AGPAT5: variants seen among roughly 807,000 people sequenced by gnomAD.
The protein encoded by AGPAT5 is 1-acylglycerol-3-phosphate O-acyltransferase 5, also known as 1-acyl-sn-glycerol-3-phosphate acyltransferase epsilon.
In AGPAT5, 46 loss-of-function variants were observed where a neutral mutation model predicts 45.6. That is an observed-to-expected ratio of 1.01 (90% CI 0.80 to 1.29). The LOEUF (loss-of-function observed/expected upper bound fraction) is 1.29. AGPAT5 is among the 50% of genes most tolerant of loss of function. The pLI is 0.00. For missense variants in AGPAT5, 673 were observed against 450.7 expected, an observed-to-expected ratio of 1.49 and a Z score of -4.47; for synonymous variants, 272 against 167.0, an observed-to-expected ratio of 1.63 and a Z score of -4.85.
At chr8:6,735,627 T>G (rs1490001077) in intron 4 of AGPAT5, among the ~76,000 whole-genome samples, 1 of 152,234 alleles carries the variant, frequency 6.6e-6, no homozygotes, top group African/African-American at 2.4e-5. Context: ...TTGGTTGCCT[T>G]GCAACCTTGC....
At chr8:6,729,747 C>G (rs750905855) in intron 2 of AGPAT5, among the ~76,000 whole-genome samples, 1 of 152,214 alleles carries the variant, frequency 6.6e-6, no homozygotes, top group Non-Finnish European at 1.5e-5. Context: ...GAAAGCTCAA[C>G]TAACAACTTC....
At chr8:6,740,175 C>T (rs1382803776) in intron 4 of AGPAT5, among the ~76,000 whole-genome samples, 2 of 151,948 alleles carry the variant, frequency 1.3e-5, no homozygotes, top group Non-Finnish European at 2.9e-5. Context: ...CAAATAATAC[C>T]ACATGAGTTA....
At chr8:6,730,997 T>C (rs1361470840) in intron 3 of AGPAT5, among the ~76,000 whole-genome samples, 171 bp downstream of exon 3, 6 of 151,748 alleles carry the variant, frequency 4.0e-5, no homozygotes, top group African/African-American at 1.5e-4. Context: ...GCCTCCCAAG[T>C]AGTTGGGACC....
In AGPAT5 at chr8:6,732,590, CA is replaced by C; in HGVS notation, c.438del (p.Lys146AsnfsTer24). The stretch of plus-strand genomic sequence containing the variant: ...GAGGAATCTATGTAAAGCGCAGTGC[CA>C]AATTTAACGAGAAAGAGATGCGAAA... Reference protein sequence around the residue: ...HGGIYVKRSAKFNEKEMRNKL... With the variant: ...HGGIYVKRSAXFNEKEMRNKL... On this transcript the variant is annotated frameshift_variant, in exon 4 of 8. Transcript: ENST00000285518. LOFTEE classifies it high-confidence loss of function. 1 of 1,610,938 alleles carries C rather than the reference CA, an allele frequency of 6.2e-7. No homozygotes were observed. Among genetic ancestry groups the C allele is most frequent in the East Asian group, 2.2e-5 (1 of 44,684 alleles).
At chr8:6,742,635 G>A (rs1231040095) in intron 5 of AGPAT5, among the ~76,000 whole-genome samples, 1 of 152,130 alleles carries the variant, frequency 6.6e-6, no homozygotes, top group African/African-American at 2.4e-5. Context: ...TGGTTTTTGA[G>A]CATTCAACAT....
intron 1 of AGPAT5, among the ~76,000 whole-genome samples, chr8:6,710,306 A>C (rs546163052): frequency 6.6e-6 from 1 of 152,288 alleles, no homozygotes; most frequent in South Asian, 2.1e-4. Context: ...CAGAGATCCG[A>C]TTTACTTCTT....
At chr8:6,715,024 T>C (rs1248023348) in intron 1 of AGPAT5, among the ~76,000 whole-genome samples, 1 of 152,206 alleles carries the variant, frequency 6.6e-6, no homozygotes, top group Non-Finnish European at 1.5e-5. Context: ...GACTTTTCAG[T>C]AAGGGATCTC....
At chr8:6,721,436 A>G (rs527977193) in intron 1 of AGPAT5, among the ~76,000 whole-genome samples, 10 of 152,320 alleles carry the variant, frequency 6.6e-5, no homozygotes, top group African/African-American at 1.2e-4. Flanking sequence ...ATTTCATGGG[A>G]TAAGAATAAT....
At chr8:6,724,027 A>T (rs925628566) in intron 1 of AGPAT5, among the ~76,000 whole-genome samples, 1 of 152,232 alleles carries the variant, frequency 6.6e-6, no homozygotes, top group African/African-American at 2.4e-5. Context: ...TTAAGTCTTT[A>T]CAAGTATACT....
At chr8:6,714,865 C>T (rs1237691317) in intron 1 of AGPAT5, among the ~76,000 whole-genome samples, 1 of 152,212 alleles carries the variant, frequency 6.6e-6, no homozygotes, top group Non-Finnish European at 1.5e-5. Context: ...AGTTTACTTT[C>T]CCTCTTTTGT....
At position 6,708,808 on chromosome 8, in the gene AGPAT5, A is replaced by G; in HGVS notation, c.140A>G (p.Tyr47Cys). 3 of 1,610,968 alleles carry G rather than the reference A, an allele frequency of 1.9e-6. No individual in the cohort carries two copies. The highest frequency in any genetic ancestry group is 2.5e-6 in the Non-Finnish European group (3 of 1,179,624). ...TCCGCCTTCCTGCCCGCCCGCTTCT[A>G]CCAAGCGCTGGACGACCGGCTCTAC... ...LLSAFLPARFYQALDDRLYCV... is the reference protein window; with the variant it reads ...LLSAFLPARFCQALDDRLYCV... The change falls in exon 1 of 8, where the codon TAC becomes TGC. Residue 47 changes from tyrosine (Y) to cysteine (C), a missense_variant. By Grantham distance (194) the Tyr-to-Cys change is radical. Transcript: ENST00000285518.
intron 5 of AGPAT5, among the ~76,000 whole-genome samples, chr8:6,742,666 A>G (rs1351014730): frequency 6.6e-6 from 1 of 152,230 alleles, no homozygotes; most frequent in Non-Finnish European, 1.5e-5. Flanking sequence ...CATGAAACTA[A>G]TTTTTAATTT....
chr8:6,747,710 G>A lies in AGPAT5; in HGVS notation c.627G>A (p.Lys209=). Residue 209 remains lysine (K), a synonymous_variant, in exon 6 of 8, where the codon AAG becomes AAA. Transcript: ENST00000285518. ...VLKHVLTPRI[K]ATHVAFDCMK... The stretch of plus-strand genomic sequence containing the variant: ...AACATGTGCTAACACCACGAATAAA[G>A]GCAACTCACGTTGCTTTTGATTGCA... 2 of 1,614,076 alleles carry A rather than the reference G, an allele frequency of 1.2e-6. No homozygotes were observed. The highest frequency in any genetic ancestry group is 1.7e-6 in the Non-Finnish European group (2 of 1,179,952).
At chr8:6,731,947 A>G (rs1800879476) in intron 3 of AGPAT5, among the ~76,000 whole-genome samples, 1 of 152,170 alleles carries the variant, frequency 6.6e-6, no homozygotes, top group African/African-American at 2.4e-5. Context: ...TCTTCTTAGA[A>G]GGACTAGTTA....
chr8:6,718,124 C>T (rs1281458655), intron 1 of AGPAT5, among the ~76,000 whole-genome samples: 1 of 152,224 alleles, frequency 6.6e-6, no homozygotes, highest in East Asian at 1.9e-4. Flanking sequence ...ATCATAGATA[C>T]TCAGAAAAAA....
intron 4 of AGPAT5, among the ~76,000 whole-genome samples, chr8:6,734,940 A>C (rs892216140): frequency 2.6e-5 from 4 of 152,128 alleles, no homozygotes; most frequent in African/African-American, 4.8e-5. Context: ...GCGTTTTCAC[A>C]TAGCACCTTG....
At chr8:6,733,713 C>CA (rs1019165838) in intron 4 of AGPAT5, among the ~76,000 whole-genome samples, 3 of 151,874 alleles carry the variant, frequency 2.0e-5, no homozygotes, top group East Asian at 1.9e-4. Flanking sequence ...CGACTTTTTA[C>CA]AAAAAAAATT....
At chr8:6,719,028 T>G (rs529556408) in intron 1 of AGPAT5, among the ~76,000 whole-genome samples, 2 of 152,344 alleles carry the variant, frequency 1.3e-5, no homozygotes, top group South Asian at 4.1e-4. Context: ...TGAGTACCTT[T>G]CCATGGTCGA....
chr8:6,722,756 G>A (rs889568588), intron 1 of AGPAT5, among the ~76,000 whole-genome samples: 2 of 152,196 alleles, frequency 1.3e-5, no homozygotes, highest in Non-Finnish European at 2.9e-5. Flanking sequence ...TAACTAGTTT[G>A]TCCTTTGTGA....
Sources: allele counts gnomAD v4.1 joint callset (sites outside exome capture counted in the v4.1 genomes callset), GRCh38; gene constraint gnomAD v4.1.1; transcripts MANE v1.5; gene names NCBI Gene and HGNC (gene_info 2026-07-23, HGNC 2026-07-21).